ABCA3: variants seen among roughly 807,000 people sequenced by gnomAD.
ABCA3 encodes ATP binding cassette subfamily A member 3, also known as phospholipid-transporting ATPase ABCA3.
Under a neutral mutation model 172.8 loss-of-function variants are expected in ABCA3, and 88 were observed. The observed-to-expected ratio is 0.51, with a 90% CI of 0.43 to 0.61. The LOEUF is 0.61. Among genes scored for constraint, ABCA3 ranks in the 20% least tolerant of loss-of-function variants. The probability of loss-of-function intolerance (pLI) is 0.00; values close to 1 mark genes in which losing one functional copy is unlikely to be tolerated. For missense variants in ABCA3, 2,164 were observed against 2,301.0 expected (o/e 0.94, Z 1.22); for synonymous variants, 1,066 against 983.8 (o/e 1.08, Z -1.56).
chr16:2,285,404 T>A lies in ABCA3; in HGVS notation c.3483+38A>T, dbSNP rs908670908. 6.4e-7 allele frequency: 1 copy of A among 1,572,470 alleles called. No individual in the cohort carries two copies. On this transcript the variant is annotated intron_variant, in intron 23 of 32. Transcript: ENST00000301732. This position sits in a 1 kb window ranked among gnomAD's most constrained non-coding sequence, Gnocchi z 4.7. ...GGGTCCCAGGGCAAGCCCTCTGCGG[T>A]CTGCAGGGGAACGGATCCAGCACCC...
intron 14 of ABCA3, 51 bp from the exon 15 acceptor site, chr16:2,298,591 G>A (rs756737516): frequency 1.2e-6 from 2 of 1,603,174 alleles, no homozygotes; most frequent in Non-Finnish European, 1.7e-6. Context: ...CTGCTCGTCA[G>A]CACCCGCGGT....
chr16:2,325,798 G>A (rs1418113751), intron 5 of ABCA3, among the ~76,000 whole-genome samples: 17 of 152,198 alleles, frequency 1.1e-4, no homozygotes, highest in African/African-American at 3.9e-4. Context: ...ACCCAAAGGA[G>A]AGACTGCTAT....
intron 18 of ABCA3, among the ~76,000 whole-genome samples, chr16:2,294,272 CGCCTTG>C (rs1019655815): frequency 6.6e-6 from 1 of 151,880 alleles, no homozygotes; most frequent in Non-Finnish European, 1.5e-5. Flanking sequence ...ATGGTCCGCC[CGCCTTG>C]GCCTCCCAAA....
intron 17 of ABCA3, among the ~76,000 whole-genome samples, chr16:2,296,803 G>A (rs1407963927): frequency 6.6e-6 from 1 of 152,228 alleles, no homozygotes; most frequent in Non-Finnish European, 1.5e-5. Context: ...GAAGTGGGAC[G>A]TGAACTTGGG....
At chr16:2,332,712 T>A (rs979054394) in intron 1 of ABCA3, 3 of 1,425,944 alleles carry the variant, frequency 2.1e-6, no homozygotes, top group Non-Finnish European at 2.9e-6. Context: ...TCTTCTTGTG[T>A]CCAAAGACCC....
intron 10 of ABCA3, among the ~76,000 whole-genome samples, chr16:2,316,539 G>A (rs9923983): frequency 0.13 from 16,827 of 129,766 alleles, 1,714 homozygotes; most frequent in East Asian, 0.4. Context: ...TTAGCCAGGC[G>A]TGGTGGCACA....
At chr16:2,317,807 C>T (rs1567351399) in intron 8 of ABCA3, 43 bp from the exon 9 acceptor site, 2 of 1,579,906 alleles carry the variant, frequency 1.3e-6, no homozygotes, top group Non-Finnish European at 1.7e-6. Flanking sequence ...CCGTCACTGC[C>T]CGCCATGATG....
At chr16:2,292,304 C>T in intron 18 of ABCA3, 66 bp from the exon 19 acceptor site, 1 of 1,412,774 alleles carries the variant, frequency 7.1e-7, no homozygotes, top group Admixed American at 1.8e-5. Flanking sequence ...GTTCCTAAAG[C>T]ATCACCCCCC....
chr16:2,288,027 G>T lies in ABCA3; in HGVS notation c.3003C>A (p.Leu1001=). Residue 1001 remains leucine, a splice_region_variant and synonymous_variant, in exon 21 of 33, where the codon CTC becomes CTA. Coordinates refer to ENST00000301732, the MANE Select transcript of ABCA3 (RefSeq NM_001089.3). ...QAEGQEPREV[L]GDLEEFLIFR... Reference sequence around the variant, plus strand: ...TCCCGCCCCCGGGATGCCCCTTACCGAGCACCTCGCGGGGCTCCTGTCCCT... The same window carrying T: ...TCCCGCCCCCGGGATGCCCCTTACCTAGCACCTCGCGGGGCTCCTGTCCCT... 6.2e-7 allele frequency: 1 copy of T among 1,605,376 alleles called. No individual in the cohort carries two copies. The highest frequency in any genetic ancestry group is 1.1e-5 in the South Asian group (1 of 91,028).
At chr16:2,331,775 A>T (rs531624809) in intron 1 of ABCA3, among the ~76,000 whole-genome samples, 57 of 152,306 alleles carry the variant, frequency 3.7e-4, no homozygotes, top group African/African-American at 1.3e-3. Flanking sequence ...GCCCCGGCTG[A>T]GCCCCCATCA....
chr16:2,329,881 T>A (rs2093740364), intron 1 of ABCA3, 27 bp from the exon 2 acceptor site: 1 of 152,140 alleles, frequency 6.6e-6, no homozygotes, highest in South Asian at 2.1e-4. Flanking sequence ...GGTGTTTGAG[T>A]GTAATTTGGA....
Position 2,289,452 on chromosome 16 carries a change from A to T in ABCA3, c.2682T>A (p.Ala894=). ...CACTCACCCCAGTGTTGAGCTTGAC[A>T]GCGGTGCGCTCCTCCTCGATGAGGG... ...IGALIEEERT[A]VKLNTGLALH... is the part of the protein sequence containing the mutation. The change falls in exon 20 of 33, where the codon GCT becomes GCA. Residue 894 remains alanine (A), a synonymous_variant. Transcript: ENST00000301732. 6.3e-7 allele frequency: 1 copy of T among 1,588,100 alleles called. No individual in the cohort carries two copies. The highest frequency in any genetic ancestry group is 8.6e-7 in the Non-Finnish European group (1 of 1,169,358).
chr16:2,291,306 A>G, intron 19 of ABCA3, among the ~76,000 whole-genome samples: 1 of 152,062 alleles, frequency 6.6e-6, no homozygotes, highest in East Asian at 2.0e-4. Context: ...AGCCTGGGAG[A>G]CAGAGTGAGA....
At chr16:2,306,821 C>G (rs564965412) in intron 11 of ABCA3, among the ~76,000 whole-genome samples, 1 of 151,986 alleles carries the variant, frequency 6.6e-6, no homozygotes, top group Non-Finnish European at 1.5e-5. Context: ...CGAGACCATC[C>G]TGGCTAACAC....
At chr16:2,325,181 C>T (rs1385479771) in intron 5 of ABCA3, among the ~76,000 whole-genome samples, 5 of 152,138 alleles carry the variant, frequency 3.3e-5, no homozygotes. Context: ...CAGAGCTGCC[C>T]ACCCAAAACC....
chr16:2,326,192 A>C lies in ABCA3; in HGVS notation c.137T>G (p.Ile46Ser). The C allele has an allele frequency of 6.2e-7, 1 of 1,614,126 alleles. No homozygotes were observed. Among genetic ancestry groups the C allele is most frequent in the Non-Finnish European group, 8.5e-7 (1 of 1,180,038 alleles). The change falls in exon 5 of 33, where the codon ATT becomes AGT. Residue 46 changes from isoleucine (I) to serine (S), a missense_variant. By Grantham distance (142) the Ile-to-Ser change is moderately radical (BLOSUM62 -2). Coordinates refer to ENST00000301732, the MANE Select transcript of ABCA3 (RefSeq NM_001089.3). ...SGILIWLRLK[I>S]QSENVPNATI... ...GGCGTTGGGCACATTTTCCGACTGA[A>C]TCTTCAAGCGGAGCCAGATGAGGAT...
At chr16:2,313,862 A>G (rs1308037351) in intron 10 of ABCA3, among the ~76,000 whole-genome samples, 1 of 151,688 alleles carries the variant, frequency 6.6e-6, no homozygotes, top group Admixed American at 6.6e-5. Flanking sequence ...CACTACACTT[A>G]GCCTGGGCAA....
intron 5 of ABCA3, among the ~76,000 whole-genome samples, chr16:2,324,916 CAG>C (rs1268289784): frequency 6.6e-6 from 1 of 152,178 alleles, no homozygotes; most frequent in Admixed American, 6.5e-5. Context: ...GATGCTAACT[CAG>C]AGTGTCTCAA....
Position 2,295,719 on chromosome 16 carries a change from A to G in ABCA3, c.2285T>C (p.Leu762Pro). Residue 762 changes from leucine (L) to proline (P), a missense_variant, in exon 18 of 33, where the codon CTG becomes CCG. Leu to Pro is a moderately conservative substitution (Grantham distance 98, BLOSUM62 -3). This residue lies in a region of ABCA3 where 1,343 missense variants were observed against 1,369.6 expected (regional missense o/e 0.98). Coordinates refer to ENST00000301732, the MANE Select transcript of ABCA3 (RefSeq NM_001089.3). ...CGGGTTGCAGTGCGGCTCCTTCACC[A>G]GCGTCATGTGATAGCCGGCACCTGG... Reference protein sequence around the residue: ...QKYGAGYHMTLVKEPHCNPED... With the variant: ...QKYGAGYHMTPVKEPHCNPED... The G allele has an allele frequency of 6.2e-7, 1 of 1,613,972 alleles. No homozygotes were observed. The highest frequency in any genetic ancestry group is 2.2e-5 in the East Asian group (1 of 44,884).
Sources: gnomAD v4.1 joint callset for allele counts (sites outside exome capture counted in the v4.1 genomes callset) on GRCh38, gnomAD v4.1.1 for gene constraint, gnomAD v4.1.1 regional missense constraint, Gnocchi (gnomAD v3.1) non-coding constraint, MANE v1.5 for transcripts, NCBI Gene and HGNC (gene_info 2026-07-23, HGNC 2026-07-21) for gene names.